LGALS1: variants seen among roughly 807,000 people sequenced by gnomAD.
The protein encoded by LGALS1 is galectin-1.
A neutral mutation model predicts 14.4 loss-of-function variants in LGALS1; 14 were observed. The ratio of observed to expected loss-of-function variants is 0.97; its 90% confidence interval spans 0.64 to 1.52. The LOEUF (loss-of-function observed/expected upper bound fraction) is 1.52. LGALS1 is among the 40% of genes most tolerant of loss of function. LGALS1 has a pLI of 0.00. For missense variants in LGALS1, 170 were observed against 181.4 expected, an observed-to-expected ratio of 0.94 and a Z score of 0.36; for synonymous variants, 71 against 73.4, an observed-to-expected ratio of 0.97 and a Z score of 0.17.
intron 2 of LGALS1, among the ~76,000 whole-genome samples, chr22:37,677,918 G>A (rs1050087482): frequency 2.0e-5 from 3 of 151,870 alleles, no homozygotes; most frequent in South Asian, 2.1e-4. Flanking sequence ...CTGAGTAGCC[G>A]GGATTACAGG....
chr22:37,676,625 G>C (rs1921436677), intron 1 of LGALS1, among the ~76,000 whole-genome samples: 1 of 152,038 alleles, frequency 6.6e-6, no homozygotes, highest in African/African-American at 2.4e-5. Flanking sequence ...GGTGGGCCAA[G>C]TGTCGGCCCC....
chr22:37,675,731 C>A lies in LGALS1; in HGVS notation c.9+20C>A, dbSNP rs199824702. 6.4e-3 allele frequency: 9,921 copies of A among 1,538,940 alleles called. 47 individuals carry two copies. The highest frequency in any genetic ancestry group is 7.5e-3 in the Non-Finnish European group (8,529 of 1,140,674). On this transcript the variant is annotated intron_variant, in intron 1 of 3. Coordinates refer to ENST00000215909, the MANE Select transcript of LGALS1 (RefSeq NM_002305.4). ...GCTTGTGTGAGTGTGGGGACCCCCC[C>A]CCAAGGTCCAGGGGATAGGGCAGGA...
intron 2 of LGALS1, 80 bp downstream of exon 2, chr22:37,677,145 C>T: frequency 1.5e-6 from 2 of 1,366,568 alleles, no homozygotes; most frequent in Middle Eastern, 1.8e-4. Context: ...AAGCCCACAT[C>T]TCCTCCCTGG....
At chr22:37,678,954 A>C (rs1342556728) in intron 3 of LGALS1, among the ~76,000 whole-genome samples, 2 of 151,614 alleles carry the variant, frequency 1.3e-5, no homozygotes, top group Non-Finnish European at 2.9e-5. Context: ...ACATGGAGAA[A>C]CCCTGTCTCG....
chr22:37,677,505 C>T (rs1409545535), intron 2 of LGALS1: 1 of 184,286 alleles, frequency 5.4e-6, no homozygotes, highest in Non-Finnish European at 1.2e-5. Context: ...CAGACGGCTG[C>T]CTTATTTTCT....
rs780964122 is a variant in LGALS1, at chr22:37,678,646, G to A, written c.253G>A (p.Val85Ile). ...TGTCTTTCCCTTCCAGCCTGGAAGTGTTGCAGAGGTGGGCTGCAGACCGGA... is the reference window on the plus strand; with the variant it reads ...TGTCTTTCCCTTCCAGCCTGGAAGTATTGCAGAGGTGGGCTGCAGACCGGA... ...EAVFPFQPGS[V>I]AEVCITFDQA... Residue 85 changes from valine (V) to isoleucine (I), a missense_variant, in exon 3 of 4, where the codon GTT becomes ATT. By Grantham distance (29) the Val-to-Ile change is conservative. Transcript: ENST00000215909. 6 of 1,378,330 alleles carry A rather than the reference G, an allele frequency of 4.4e-6. No individual in the cohort carries two copies. The highest frequency in any genetic ancestry group is 1.1e-5 in the South Asian group (1 of 87,336). 85.4% of individuals were successfully genotyped at this position (1,378,330 alleles called of 1,614,324 possible).
intron 3 of LGALS1, 31 bp from the exon 4 acceptor site, chr22:37,679,572 G>T (rs1248246955): frequency 3.2e-6 from 5 of 1,552,292 alleles, no homozygotes; most frequent in East Asian, 2.4e-5. Flanking sequence ...ATGGCATGTG[G>T]GCCCGGCTCA....
chr22:37,677,256 G>C, intron 2 of LGALS1, 191 bp downstream of exon 2: 1 of 603,496 alleles, frequency 1.7e-6, no homozygotes. Context: ...CCCCTCCCCC[G>C]CTCCCTCCCT....
Position 37,676,894 on chromosome 22 carries a change from C to T in LGALS1, c.10-92C>T, listed in dbSNP as rs542005958. On this transcript the variant is annotated intron_variant, in intron 1 of 3. Transcript: ENST00000215909. ...TTGGTCAGAGGATGCCGGGCGGGAA[C>T]AACCCCACTCCCACCCCCAGCCACC... 4 of 1,304,016 alleles carry T rather than the reference C, an allele frequency of 3.1e-6. No homozygotes were observed. The Admixed American group carries it at 5.5e-5, about 18-fold the overall frequency. The allele number at this position is 1,304,016 out of a possible 1,614,324, so 80.8% of individuals were successfully genotyped here.
rs758651011 is a variant in LGALS1, at chr22:37,677,058, G to T, written c.82G>T (p.Ala28Ser). ...AGTGCGAGGCGAGGTGGCTCCTGAC[G>T]CTAAGAGGTGAGAAGTGAAGTCGGG... Reference protein sequence around the residue: ...LRVRGEVAPDAKSFVLNLGKD... With the variant: ...LRVRGEVAPDSKSFVLNLGKD... Residue 28 changes from alanine (A) to serine (S), a missense_variant, in exon 2 of 4, where the codon GCT (alanine) becomes TCT (serine). Ala to Ser is a moderately conservative substitution (Grantham distance 99). Coordinates refer to ENST00000215909, the MANE Select transcript of LGALS1 (RefSeq NM_002305.4). 8.7e-6 allele frequency: 14 copies of T among 1,613,828 alleles called. No homozygotes were observed. The highest frequency in any genetic ancestry group is 1.1e-5 in the Non-Finnish European group (13 of 1,179,934).
intron 3 of LGALS1, 25 bp downstream of exon 3, chr22:37,678,679 A>G (rs776897879): frequency 2.8e-5 from 13 of 469,544 alleles, no homozygotes; most frequent in Non-Finnish European, 5.1e-5. Flanking sequence ...GGAACCGGGG[A>G]CCAGGGACAG....
intron 2 of LGALS1, 120 bp downstream of exon 2, chr22:37,677,185 T>A (rs1569020939): frequency 3.1e-6 from 3 of 983,170 alleles, no homozygotes; most frequent in Non-Finnish European, 4.5e-6. Context: ...CAGCCGCCGA[T>A]GCTGCGTTTT....
At chr22:37,678,905 G>A (rs972988197) in intron 3 of LGALS1, among the ~76,000 whole-genome samples, 5 of 152,248 alleles carry the variant, frequency 3.3e-5, no homozygotes, top group Non-Finnish European at 7.4e-5. Context: ...CGAGGCGGGC[G>A]GATCACCTGA....
intron 3 of LGALS1, among the ~76,000 whole-genome samples, chr22:37,679,353 C>T (rs1921553156): frequency 6.6e-6 from 1 of 151,412 alleles, no homozygotes; most frequent in African/African-American, 2.4e-5. Flanking sequence ...ATCACTTGAA[C>T]CTGGGAGGCG....
chr22:37,678,764 C>T lies in LGALS1; in HGVS notation c.261+110C>T, dbSNP rs528336111. 51 of 1,097,956 alleles carry T rather than the reference C, an allele frequency of 4.6e-5. No individual in the cohort carries two copies. In the African/African-American group the frequency reaches 6.9e-4, roughly 15 times the overall value. 68.0% of individuals were successfully genotyped at this position (1,097,956 alleles called of 1,614,324 possible). ...CCTGCCTGCTCTTTCCCCTCCCCTT[C>T]CCTCCCTTCCTGTGTGATGGCCAGT... On this transcript the variant is annotated intron_variant, in intron 3 of 3. Transcript: ENST00000215909.
In LGALS1 at chr22:37,679,769, C is replaced by T. The variant is rs1352078257; in HGVS notation, c.*20C>T. On this transcript the variant is annotated 3_prime_UTR_variant, in exon 4 of 4. Transcript: ENST00000215909. ...GACTGAAATCAGCCAGCCCATGGCC[C>T]CCAATAAAGGCAGCTGCCTCTGCTC... 1 of 1,569,364 alleles carries T rather than the reference C, an allele frequency of 6.4e-7. No homozygotes were observed. Among genetic ancestry groups the T allele is most frequent in the Non-Finnish European group, 8.7e-7 (1 of 1,153,994 alleles).
chr22:37,677,416 G>A, intron 2 of LGALS1: 1 of 309,566 alleles, frequency 3.2e-6, no homozygotes. Context: ...CCTTCCCCCT[G>A]AGTCCCTCCT....
At chr22:37,678,758 C>T in intron 3 of LGALS1, 104 bp downstream of exon 3, 1 of 1,126,824 alleles carries the variant, frequency 8.9e-7, no homozygotes, top group Non-Finnish European at 1.2e-6. Flanking sequence ...TCTTTCCCCT[C>T]CCCTTCCCTC....
intron 2 of LGALS1, among the ~76,000 whole-genome samples, chr22:37,677,941 C>T (rs1240195237): frequency 6.6e-6 from 1 of 152,000 alleles, no homozygotes; most frequent in Non-Finnish European, 1.5e-5. Context: ...CCCACCACAA[C>T]GCCCAGCTAA....
Sources: allele counts gnomAD v4.1 joint callset (sites outside exome capture counted in the v4.1 genomes callset), GRCh38; gene constraint gnomAD v4.1.1; transcripts MANE v1.5; gene names NCBI Gene and HGNC (gene_info 2026-07-23, HGNC 2026-07-21).